Variants in TET2 observed in about 807,000 individuals in gnomAD.
The protein encoded by TET2 is methylcytosine dioxygenase TET2.
In TET2, 299 loss-of-function variants were observed where a neutral mutation model predicts 142.9. The ratio of observed to expected loss-of-function variants is 2.09; its 90% confidence interval spans 1.90 to 2.30. The LOEUF (loss-of-function observed/expected upper bound fraction) is 2.30, where lower values mean the gene tolerates loss of function less well. TET2 is among the 30% of genes most tolerant of loss of function. The pLI, the probability that TET2 is intolerant of heterozygous loss-of-function variation, is 0.00. For synonymous variants in TET2, 819 were observed against 849.0 expected (o/e 0.96, Z 0.61); for missense variants, 2,418 against 2,378.0 (o/e 1.02, Z -0.35).
chr4:105,220,222 T>C (rs959301650), intron 2 of TET2, among the ~76,000 whole-genome samples: 2 of 152,172 alleles, frequency 1.3e-5, no homozygotes, highest in Admixed American at 6.6e-5. Context: ...TTGTTGGCCT[T>C]ATGTAATGGT....
At chr4:105,272,498 C>T (rs1225832021) in intron 9 of TET2, 66 bp from the exon 10 acceptor site, 8 of 715,600 alleles carry the variant, frequency 1.1e-5, no homozygotes, top group Non-Finnish European at 1.4e-5. Context: ...GAGAAAGATA[C>T]ACACACACAC....
chr4:105,272,652 CT>C lies in TET2; in HGVS notation c.4272del (p.Asp1425ThrfsTer23). 1 of 1,551,708 alleles carries C rather than the reference CT, an allele frequency of 6.4e-7. No homozygotes were observed. The highest frequency in any genetic ancestry group is 8.7e-7 in the Non-Finnish European group (1 of 1,146,976). On this transcript the variant is annotated frameshift_variant, in exon 10 of 11. Transcript: ENST00000380013. LOFTEE classifies it high-confidence loss of function. ...QLHVLPLYKV[S>X]DVDEFGSVEA... is the part of the protein sequence containing the mutation. ...CACGTTCTGCCTTTATACAAAGTCTCTGACGTGGATGAGTTTGGGAGTGTGG... is the reference window on the plus strand; with the variant it reads ...CACGTTCTGCCTTTATACAAAGTCTCGACGTGGATGAGTTTGGGAGTGTGG...
chr4:105,273,001 A>G (rs1376852061), intron 10 of TET2, 83 bp downstream of exon 10: 12 of 1,110,714 alleles, frequency 1.1e-5, no homozygotes, highest in African/African-American at 3.2e-5. Flanking sequence ...TGCCCCCATC[A>G]ACTTGTAAGT....
chr4:105,251,037 ATT>A (rs1414933448), intron 6 of TET2, among the ~76,000 whole-genome samples: 2 of 152,130 alleles, frequency 1.3e-5, no homozygotes, highest in Non-Finnish European at 2.9e-5. Context: ...GCAAAATCAA[ATT>A]TTTTGTTGAT....
At chr4:105,189,704 TG>T (rs2110478849) in intron 1 of TET2, among the ~76,000 whole-genome samples, 1 of 152,346 alleles carries the variant, frequency 6.6e-6, no homozygotes, top group Non-Finnish European at 1.5e-5. Flanking sequence ...ACTTGGGTTA[TG>T]TTTTTAAAGT....
intron 2 of TET2, among the ~76,000 whole-genome samples, chr4:105,197,325 T>G (rs1052533653): frequency 6.6e-6 from 1 of 152,238 alleles, no homozygotes; most frequent in East Asian, 1.9e-4. Flanking sequence ...TAATTTCTGA[T>G]GACTAAACAT....
At chr4:105,154,587 C>G (rs1723470581) in intron 1 of TET2, among the ~76,000 whole-genome samples, 1 of 152,074 alleles carries the variant, frequency 6.6e-6, no homozygotes, top group Non-Finnish European at 1.5e-5. Flanking sequence ...ATAACAATAG[C>G]CTTTAGAGCT....
chr4:105,160,142 C>T (rs1255092083), intron 1 of TET2, among the ~76,000 whole-genome samples: 2 of 152,170 alleles, frequency 1.3e-5, no homozygotes, highest in African/African-American at 2.4e-5. Context: ...TACCATTATA[C>T]CTGCCTCTCC....
rs1052046243 is a variant in TET2 at position 105,262,058 on chromosome 4, C to T, written c.4044+210C>T. Reference sequence around the variant, plus strand: ...TTTGTCTTTTAGCTGTAAAGACATGCGCTTCTAAAAGTCACAGGCTGTTCT... The same window carrying T: ...TTTGTCTTTTAGCTGTAAAGACATGTGCTTCTAAAAGTCACAGGCTGTTCT... On this transcript the variant is annotated intron_variant, in intron 8 of 10. Transcript: ENST00000380013. Among the ~76,000 whole-genome samples, 8 of 152,040 alleles carry T rather than the reference C, an allele frequency of 5.3e-5. No homozygotes were observed. The South Asian group carries it at 6.2e-4, about 12-fold the overall frequency.
At chr4:105,237,778 A>G (rs1578681527) in intron 3 of TET2, 1 of 1,141,146 alleles carries the variant, frequency 8.8e-7, no homozygotes, top group Non-Finnish European at 1.1e-6. Flanking sequence ...AAGGTAAAAT[A>G]TATTAGTTTC....
chr4:105,237,468 G>A, intron 3 of TET2, 117 bp downstream of exon 3: 1 of 1,610,576 alleles, frequency 6.2e-7, no homozygotes, highest in Non-Finnish European at 8.5e-7. Flanking sequence ...AATTTGTAAA[G>A]GCTCATAAAA....
At chr4:105,249,367 G>A (rs893885071) in intron 6 of TET2, among the ~76,000 whole-genome samples, 60 of 152,028 alleles carry the variant, frequency 3.9e-4, no homozygotes, top group Admixed American at 2.6e-3. Context: ...CATTTGGATC[G>A]TTTCTACTTT....
intron 1 of TET2, 80 bp from the exon 2 acceptor site, chr4:105,190,280 C>T (rs1387801087): frequency 1.9e-6 from 1 of 523,800 alleles, no homozygotes. Context: ...TATCCAAAAC[C>T]TTTTAAACTC....
At chr4:105,189,490 A>G (rs1342026891) in intron 1 of TET2, among the ~76,000 whole-genome samples, 1 of 151,250 alleles carries the variant, frequency 6.6e-6, no homozygotes, top group Non-Finnish European at 1.5e-5. Context: ...TCAGTCAGAG[A>G]GAGCTTTTTA....
At chr4:105,145,877 A>T (rs1176996077), upstream of TET2, 1 of 152,210 alleles carries the variant, frequency 6.6e-6, no homozygotes, top group East Asian at 1.9e-4. Flanking sequence ...GCTAAAGTAA[A>T]CAGAAGGTGG....
rs146131612 is a variant in TET2, at chr4:105,277,179, A to C, written c.*660A>C. ...AATGCCTTTATATCATCAAGATGCT[A>C]TCAGTGTACTCCAGTGCCCTTGAAT... is the stretch of plus-strand genomic sequence containing the variant. On this transcript the variant is annotated 3_prime_UTR_variant, in exon 11 of 11. Coordinates refer to ENST00000380013, the MANE Select transcript of TET2 (RefSeq NM_001127208.3). 4.3e-6 allele frequency: 1 copy of C among 229,916 alleles called. No homozygotes were observed. Among genetic ancestry groups the C allele is most frequent in the African/African-American group, 2.2e-5 (1 of 45,194 alleles). The allele number at this position is 229,916 out of a possible 1,614,324, so 14.2% of individuals were successfully genotyped here.
In TET2 at chr4:105,275,058, A is replaced by G; in HGVS notation, c.4548A>G (p.Arg1516=). The G allele has an allele frequency of 6.5e-7, 1 of 1,528,122 alleles. No individual in the cohort carries two copies. The highest frequency in any genetic ancestry group is 8.8e-7 in the Non-Finnish European group (1 of 1,137,252). The allele number at this position is 1,528,122 out of a possible 1,614,324, so 94.7% of individuals were successfully genotyped here. A position where few individuals can be genotyped will look rare whatever the true frequency, so the allele number is the denominator to read the frequency against. Residue 1516 remains arginine (R), a synonymous_variant, in exon 11 of 11, where the codon CGA becomes CGG. Transcript: ENST00000380013. ...SQAKQLAELL[R]LSGPVMQQSQ... ...TTACCCTGTCCACAGAACTTTTGCG[A>G]CTTTCAGGACCAGTCATGCAGCAGT...
At chr4:105,198,550 A>G (rs1483119493) in intron 2 of TET2, among the ~76,000 whole-genome samples, 3 of 152,216 alleles carry the variant, frequency 2.0e-5, no homozygotes, top group South Asian at 2.1e-4. Context: ...GTTAAAGGAG[A>G]CAGAAGGAAG....
intron 1 of TET2, among the ~76,000 whole-genome samples, chr4:105,189,872 A>G (rs1560737922): frequency 6.6e-6 from 1 of 152,180 alleles, no homozygotes; most frequent in Non-Finnish European, 1.5e-5. Flanking sequence ...AATGCTTGCT[A>G]TTTATGAGTT....
Sources: gnomAD v4.1 joint callset for allele counts (sites outside exome capture counted in the v4.1 genomes callset) on GRCh38, gnomAD v4.1.1 for gene constraint, MANE v1.5 for transcripts, NCBI Gene and HGNC (gene_info 2026-07-23, HGNC 2026-07-21) for gene names.